The following CYLC1 variants were observed in gnomAD, a reference collection of about 807,000 sequenced individuals.
The protein encoded by CYLC1 is cylicin-1.
CYLC1 carries 2 observed loss-of-function variants against 31.6 expected under a neutral mutation model. That is an observed-to-expected ratio of 0.06 (90% CI 0.03 to 0.20). The LOEUF (loss-of-function observed/expected upper bound fraction) is 0.20, where lower values mean the gene tolerates loss of function less well. Ranked by LOEUF, CYLC1 falls within the 10% of genes least tolerant of loss-of-function variation. The pLI is 1.00. For synonymous variants in CYLC1, 185 were observed against 153.0 expected (o/e 1.21, Z -1.54); for missense variants, 595 against 424.1 (o/e 1.40, Z -3.54).
At chrX:83,862,268 ACG>A (rs1425690669) in intron 1 of CYLC1, among the ~76,000 whole-genome samples, 1 of 110,411 alleles carries the variant, frequency 9.1e-6, no homozygotes, top group Non-Finnish European at 1.9e-5. Flanking sequence ...ACTGTGGCTC[ACG>A]CCTGTAATCC....
intron 1 of CYLC1, among the ~76,000 whole-genome samples, chrX:83,863,505 AT>A (rs1485417931): frequency 9.0e-6 from 1 of 111,182 alleles, no homozygotes; most frequent in African/African-American, 3.3e-5. Flanking sequence ...ATCCCACTCT[AT>A]TTTTTGACAT....
chrX:83,878,823 G>A (rs1194329367), intron 4 of CYLC1, among the ~76,000 whole-genome samples: 1 of 103,634 alleles, frequency 9.6e-6, no homozygotes, highest in Non-Finnish European at 2.0e-5. Context: ...AACAAACTTT[G>A]TTATTGAATC....
At chrX:83,864,687 A>G in intron 1 of CYLC1, 4 of 322,169 alleles carry the variant, frequency 1.2e-5, no homozygotes, top group Non-Finnish European at 1.2e-5. Context: ...AATCACTATT[A>G]CTAGTTTCTT....
intron 1 of CYLC1, among the ~76,000 whole-genome samples, chrX:83,869,083 G>C (rs963541697): frequency 9.1e-6 from 1 of 110,215 alleles, no homozygotes. Flanking sequence ...TCAGTATAAA[G>C]CTATTATACA....
At chrX:83,877,689 T>C (rs2031790136) in intron 4 of CYLC1, among the ~76,000 whole-genome samples, 1 of 105,590 alleles carries the variant, frequency 9.5e-6, no homozygotes, top group Admixed American at 1.1e-4. Flanking sequence ...AAGCCTTCCC[T>C]GACTACCTTA....
chrX:83,880,439 A>C (rs1602309927), intron 4 of CYLC1, among the ~76,000 whole-genome samples: 1 of 111,425 alleles, frequency 9.0e-6, no homozygotes, highest in African/African-American at 3.3e-5. Flanking sequence ...TCTTTCCCAA[A>C]AGAATTAAAT....
At chrX:83,882,149 T>C (rs1290778499) in intron 4 of CYLC1, among the ~76,000 whole-genome samples, 1 of 111,258 alleles carries the variant, frequency 9.0e-6, no homozygotes, top group Non-Finnish European at 1.9e-5. Context: ...CTGTTTTTAT[T>C]TCCTCTGCTG....
At chrX:83,878,382 A>AATATATATAAATATATATAAAT (rs1569335963) in intron 4 of CYLC1, among the ~76,000 whole-genome samples, 7 of 5,672 alleles carry the variant, frequency 1.2e-3, no homozygotes, top group African/African-American at 2.2e-3. Context: ...TATATATATA[A>AATATATATAAATATATATAAAT]ATATATATAA....
chrX:83,873,421 G>T lies in CYLC1; in HGVS notation c.713G>T (p.Cys238Phe). ...KTSNDPISEI[C>F]SENSLNVDFL... ...AGTAATGATCCCATATCAGAGATTTGCTCAGAAAATAGTTTAAATGTTGAT... is the reference window on the plus strand; with the variant it reads ...AGTAATGATCCCATATCAGAGATTTTCTCAGAAAATAGTTTAAATGTTGAT... Residue 238 changes from cysteine (C) to phenylalanine (F), a missense_variant, in exon 4 of 5, where the codon TGC (cysteine) becomes TTC (phenylalanine). Physicochemically the swap from Cys to Phe is radical, Grantham distance 205 (BLOSUM62 -2). Transcript: ENST00000329312. The T allele has an allele frequency of 4.2e-6, 5 of 1,203,475 alleles. No individual in the cohort carries two copies. The highest frequency in any genetic ancestry group is 5.6e-6 in the Non-Finnish European group (5 of 891,970).
intron 4 of CYLC1, among the ~76,000 whole-genome samples, chrX:83,881,548 CA>C (rs201553082): frequency 3.7e-5 from 4 of 107,671 alleles, no homozygotes; most frequent in African/African-American, 6.8e-5. Context: ...CACTAGAGCA[CA>C]AAAAAAATAA....
chrX:83,864,214 G>A (rs2031558562), intron 1 of CYLC1, among the ~76,000 whole-genome samples: 2 of 111,631 alleles, frequency 1.8e-5, no homozygotes, highest in African/African-American at 6.5e-5. Context: ...ATATTCACAA[G>A]TACCAGATGT....
Position 83,874,009 on chromosome X carries a change from A to C in CYLC1, c.1301A>C (p.Lys434Thr). The C allele has an allele frequency of 8.4e-7, 1 of 1,190,387 alleles. No individual in the cohort carries two copies. Among genetic ancestry groups the C allele is most frequent in the Non-Finnish European group, 1.1e-6 (1 of 885,022 alleles). The change falls in exon 4 of 5, where the codon AAA (lysine) becomes ACA (threonine). Residue 434 changes from lysine to threonine, a missense_variant. Lys to Thr is a moderately conservative substitution (Grantham distance 78). Transcript: ENST00000329312. ...AAAAAAGATTCAAAGACAGATAATA[A>C]AAAGTCTGTCAAGAATGATGAAGAG... is the stretch of plus-strand genomic sequence containing the variant. ...KDKKDSKTDN[K>T]KSVKNDEEST...
intron 2 of CYLC1, among the ~76,000 whole-genome samples, chrX:83,870,992 C>G (rs529910282): frequency 1.8e-5 from 2 of 110,142 alleles, no homozygotes; most frequent in African/African-American, 6.6e-5. Context: ...TGTAATCAAT[C>G]AAGACTTTTA....
At chrX:83,883,864 T>C (rs1486866622) in intron 4 of CYLC1, among the ~76,000 whole-genome samples, 1 of 111,843 alleles carries the variant, frequency 8.9e-6, no homozygotes, top group East Asian at 2.8e-4. Context: ...AGCTAGGTAA[T>C]ATCAAATTTA....
chrX:83,871,444 T>C lies in CYLC1; in HGVS notation c.59-8T>C, dbSNP rs375772815. Reference sequence around the variant, plus strand: ...ACTCCAAATTGTTTATTATCCTTTCTCATTTAGTCAGTGAATCAAGCAGAA... The same window carrying C: ...ACTCCAAATTGTTTATTATCCTTTCCCATTTAGTCAGTGAATCAAGCAGAA... On this transcript the variant is annotated splice_polypyrimidine_tract_variant and splice_region_variant and intron_variant, in intron 2 of 4. Coordinates refer to ENST00000329312, the MANE Select transcript of CYLC1 (RefSeq NM_021118.3). 84 of 1,172,898 alleles carry C rather than the reference T, an allele frequency of 7.2e-5. No homozygotes were observed. In the African/African-American group the frequency reaches 1.4e-3, roughly 20 times the overall value.
chrX:83,886,414 A>C (rs1360698195), intron 4 of CYLC1, 138 bp from the exon 5 acceptor site: 6 of 547,168 alleles, frequency 1.1e-5, no homozygotes, highest in Non-Finnish European at 1.7e-5. Context: ...AATAAGAAAT[A>C]ATAAAAATGA....
rs779916603 is a variant in CYLC1 at position 83,874,631 on chromosome X, G to C, written c.1923G>C (p.Leu641Phe). Residue 641 changes from leucine to phenylalanine, a missense_variant and splice_region_variant, in exon 4 of 5, where the codon TTG becomes TTC. Leu to Phe is a conservative substitution (Grantham distance 22). Coordinates refer to ENST00000329312, the MANE Select transcript of CYLC1 (RefSeq NM_021118.3). ...CTCCAAAACCAAGATATGCTCCTTT[G>C]GTAAGTTTACTACTGTTTTATATTT... is the stretch of plus-strand genomic sequence containing the variant. ...PPPPKPRYAPLPEAPWIHKLL is the reference protein window; with the variant it reads ...PPPPKPRYAPFPEAPWIHKLL 1 of 1,183,743 alleles carries C rather than the reference G, an allele frequency of 8.4e-7. No homozygotes were observed. The highest frequency in any genetic ancestry group is 3.0e-5 in the East Asian group (1 of 33,569).
In CYLC1 at chrX:83,874,124, C is replaced by A. The variant is rs779239264; in HGVS notation, c.1416C>A (p.Asp472Glu). The A allele has an allele frequency of 2.5e-6, 3 of 1,199,507 alleles. No individual in the cohort carries two copies. The highest frequency in any genetic ancestry group is 3.4e-6 in the Non-Finnish European group (3 of 890,701). Residue 472 changes from aspartate to glutamate, a missense_variant, in exon 4 of 5, where the codon GAC (aspartate) becomes GAA (glutamate). Transcript: ENST00000329312. ...KKGKKDSKKD[D>E]KKKDAKKNAE... ...GGAAGAAAGATTCAAAGAAAGATGA[C>A]AAAAAGAAGGATGCAAAGAAAAATG... is the stretch of plus-strand genomic sequence containing the variant.
chrX:83,877,920 A>ATATATATAAATATATATATATGTATTTG (rs1475752371), intron 4 of CYLC1, among the ~76,000 whole-genome samples: 1 of 80,669 alleles, frequency 1.2e-5, no homozygotes, highest in Non-Finnish European at 2.3e-5. Context: ...ATATATATAT[A>ATATATATAAATATATATATATGTATTTG]TATATAAATA....
Sources: gnomAD v4.1 joint callset for allele counts (sites outside exome capture counted in the v4.1 genomes callset) on GRCh38, gnomAD v4.1.1 for gene constraint, MANE v1.5 for transcripts, NCBI Gene and HGNC (gene_info 2026-07-23, HGNC 2026-07-21) for gene names.